SYNPR: variants seen among roughly 807,000 people sequenced by gnomAD.
SYNPR encodes synaptoporin.
SYNPR carries 23 observed loss-of-function variants against 32.9 expected under a neutral mutation model. The observed-to-expected ratio is 0.70, with a 90% CI of 0.50 to 0.99. The LOEUF is 0.99. Among genes scored for constraint, SYNPR ranks in the 50% least tolerant of loss-of-function variants. SYNPR has a pLI of 0.00. For missense variants in SYNPR, 318 were observed against 349.3 expected, an observed-to-expected ratio of 0.91 and a Z score of 0.71; for synonymous variants, 146 against 135.9, an observed-to-expected ratio of 1.07 and a Z score of -0.52.
At position 63,499,567 on chromosome 3, in the gene SYNPR, C is replaced by G. The variant is rs556773112; in HGVS notation, c.209+18611C>G. On this transcript the variant is annotated intron_variant, in intron 3 of 5. Coordinates refer to ENST00000478300, the MANE Select transcript of SYNPR (RefSeq NM_001130003.2). The stretch of plus-strand genomic sequence containing the variant: ...GCCAAAATTATAAGGAAGCAGAAAA[C>G]TCTGAATCAAGAAGGAGGCCACTTC... Among the ~76,000 whole-genome samples, 259 of 152,120 alleles carry G rather than the reference C, an allele frequency of 1.7e-3. 1 individual carries two copies. The highest frequency in any genetic ancestry group is 5.9e-3 in the African/African-American group (243 of 41,500).
chr3:63,412,594 G>T (rs942875936), intron 2 of SYNPR, among the ~76,000 whole-genome samples: 6 of 152,142 alleles, frequency 3.9e-5, no homozygotes, highest in Non-Finnish European at 7.4e-5. Flanking sequence ...TTGTAGGGTA[G>T]ATTTTAGGGT....
chr3:63,608,721 G>A (rs1182037993), intron 4 of SYNPR, among the ~76,000 whole-genome samples: 1 of 152,132 alleles, frequency 6.6e-6, no homozygotes, highest in Non-Finnish European at 1.5e-5. Flanking sequence ...TATTCAGGTT[G>A]CCTGGGTTTG....
At chr3:63,549,113 G>C (rs558979479) in intron 3 of SYNPR, among the ~76,000 whole-genome samples, 26 of 152,264 alleles carry the variant, frequency 1.7e-4, no homozygotes, top group African/African-American at 6.0e-4. Flanking sequence ...GCAAATGTTA[G>C]AATAACCCAG....
intron 2 of SYNPR, among the ~76,000 whole-genome samples, chr3:63,431,537 A>G (rs146354542): frequency 6.6e-6 from 1 of 152,302 alleles, no homozygotes; most frequent in East Asian, 1.9e-4. Flanking sequence ...AAAAAACTAA[A>G]AAGGATGGAA....
rs76347397 is a variant in SYNPR, at chr3:63,465,128, C to T, written c.85-15704C>T. ...ATTATTGAAAGATGGCGAGGATCTT[C>T]ATCTTATTGCCTAAAAAATAATGTC... On this transcript the variant is annotated intron_variant, in intron 2 of 5. Coordinates refer to ENST00000478300, the MANE Select transcript of SYNPR (RefSeq NM_001130003.2). Among the ~76,000 whole-genome samples the T allele has an allele frequency of 8.4e-3, 1,285 of 152,294 alleles. 57 individuals carry two copies. The East Asian group carries it at 0.13, about 16-fold the overall frequency.
At chr3:63,379,837 C>T (rs1285825939) in intron 2 of SYNPR, among the ~76,000 whole-genome samples, 1 of 152,048 alleles carries the variant, frequency 6.6e-6, no homozygotes, top group Non-Finnish European at 1.5e-5. Context: ...TCCCTCCCTC[C>T]TCCCCCAACC....
chr3:63,387,405 T>C (rs1452266524), intron 2 of SYNPR, among the ~76,000 whole-genome samples: 1 of 152,204 alleles, frequency 6.6e-6, no homozygotes, highest in Non-Finnish European at 1.5e-5. Flanking sequence ...CACTGGCATG[T>C]CTGTCTTAAT....
At chr3:63,358,583 C>T (rs1294675101) in intron 2 of SYNPR, among the ~76,000 whole-genome samples, 1 of 151,518 alleles carries the variant, frequency 6.6e-6, no homozygotes, top group African/African-American at 2.4e-5. Flanking sequence ...AGAACATGAA[C>T]ATCTTTAGGG....
chr3:63,359,859 A>T (rs1459599211), intron 2 of SYNPR, among the ~76,000 whole-genome samples: 1 of 152,232 alleles, frequency 6.6e-6, no homozygotes, highest in Non-Finnish European at 1.5e-5. Flanking sequence ...ACAACATAAA[A>T]TAACTTTGGT....
At chr3:63,378,714 C>T (rs987843561) in intron 2 of SYNPR, among the ~76,000 whole-genome samples, 4 of 152,008 alleles carry the variant, frequency 2.6e-5, no homozygotes, top group Admixed American at 6.6e-5. Context: ...GGGTCTGTAG[C>T]GATATATACC....
intron 4 of SYNPR, among the ~76,000 whole-genome samples, chr3:63,574,691 C>A (rs75317909): frequency 0.11 from 16,032 of 152,048 alleles, 906 homozygotes; most frequent in Middle Eastern, 0.12. Context: ...TCTTTGAGTG[C>A]AGAGATCTTA....
chr3:63,287,980 C>T (rs2086701952), intron 2 of SYNPR, among the ~76,000 whole-genome samples: 1 of 152,132 alleles, frequency 6.6e-6, no homozygotes, highest in Admixed American at 6.5e-5. Context: ...GCAAGAGTGC[C>T]ACTATTATTA....
intron 3 of SYNPR, among the ~76,000 whole-genome samples, chr3:63,490,957 T>A (rs1575672282): frequency 6.6e-6 from 1 of 151,910 alleles, no homozygotes; most frequent in African/African-American, 2.4e-5. Context: ...AGAGATGGGG[T>A]TTCACCATGT....
intron 4 of SYNPR, among the ~76,000 whole-genome samples, chr3:63,585,047 T>C (rs1703159060): frequency 6.6e-6 from 1 of 152,128 alleles, no homozygotes; most frequent in African/African-American, 2.4e-5. Flanking sequence ...TCTTAAAATG[T>C]TCAGGCCTGC....
chr3:63,575,782 C>A, intron 4 of SYNPR, among the ~76,000 whole-genome samples: 1 of 152,064 alleles, frequency 6.6e-6, no homozygotes, highest in East Asian at 1.9e-4. Context: ...TGGAAACTTG[C>A]GAAAGGGTGA....
At chr3:63,336,327 A>ACACAC (rs768705908) in intron 2 of SYNPR, among the ~76,000 whole-genome samples, 2 of 151,930 alleles carry the variant, frequency 1.3e-5, no homozygotes, top group African/African-American at 2.4e-5. Flanking sequence ...CAAATATACA[A>ACACAC]CACACATACA....
At chr3:63,510,247 A>T (rs1055934458) in intron 3 of SYNPR, among the ~76,000 whole-genome samples, 1 of 152,162 alleles carries the variant, frequency 6.6e-6, no homozygotes, top group African/African-American at 2.4e-5. Context: ...GAACATTCAA[A>T]CCCAGGTCAC....
chr3:63,252,786 A>G (rs1283157257), intron 2 of SYNPR, among the ~76,000 whole-genome samples: 2 of 152,282 alleles, frequency 1.3e-5, no homozygotes, highest in East Asian at 3.9e-4. Context: ...CATGCCTGTA[A>G]TCTTAGCACG....
intron 2 of SYNPR, among the ~76,000 whole-genome samples, chr3:63,262,623 G>C (rs2086448356): frequency 6.6e-6 from 1 of 152,152 alleles, no homozygotes; most frequent in Admixed American, 6.5e-5. Flanking sequence ...TGAGTGCTGT[G>C]GTCCTCCCTG....
Sources: allele counts gnomAD v4.1 joint callset (sites outside exome capture counted in the v4.1 genomes callset), GRCh38; gene constraint gnomAD v4.1.1; transcripts MANE v1.5; gene names NCBI Gene and HGNC (gene_info 2026-07-23, HGNC 2026-07-21).